The following NRXN3 variants were observed in gnomAD, a reference collection of about 807,000 sequenced individuals.
NRXN3 encodes the protein neurexin 3.
A neutral mutation model predicts 137.6 loss-of-function variants in NRXN3; 32 were observed. The observed-to-expected ratio is 0.23, with a 90% CI of 0.18 to 0.31. NRXN3 has a LOEUF of 0.31. Among genes scored for constraint, NRXN3 ranks in the 10% least tolerant of loss-of-function variants. The probability of loss-of-function intolerance (pLI) is 1.00; values close to 1 mark genes in which losing one functional copy is unlikely to be tolerated. For synonymous variants in NRXN3, 798 were observed against 784.5 expected (o/e 1.02, Z -0.29); for missense variants, 1,574 against 2,062.5 (o/e 0.76, Z 4.59).
rs1334223485 is a variant in NRXN3 at position 78,637,575 on chromosome 14, T to G, written c.758-7545T>G. Among the ~76,000 whole-genome samples the G allele has an allele frequency of 2.6e-5, 4 of 152,242 alleles. No individual in the cohort carries two copies. The East Asian group carries it at 7.7e-4, about 29-fold the overall frequency. ...ATATGTACTATGGTTATTCCCATTT[T>G]GTAGATTAGGGAAAGAAGGGTTAGA... On this transcript the variant is annotated intron_variant, in intron 4 of 20. Transcript: ENST00000335750.
intron 15 of NRXN3, among the ~76,000 whole-genome samples, chr14:79,439,099 T>C (rs769480055): frequency 6.6e-6 from 1 of 152,252 alleles, no homozygotes; most frequent in Non-Finnish European, 1.5e-5. Flanking sequence ...CAGATTTGAT[T>C]CTACAAGCTG....
intron 8 of NRXN3, among the ~76,000 whole-genome samples, chr14:78,780,111 G>A (rs746897820): frequency 2.6e-5 from 4 of 152,096 alleles, no homozygotes; most frequent in Non-Finnish European, 4.4e-5. Flanking sequence ...CACAAAATAG[G>A]CACACCAGCC....
intron 15 of NRXN3, among the ~76,000 whole-genome samples, chr14:79,358,608 A>AGAAAGAAAGAAG (rs1555397487): frequency 2.7e-3 from 12 of 4,502 alleles, no homozygotes; most frequent in African/African-American, 5.6e-3. Context: ...AGAAAGAAAG[A>AGAAAGAAAGAAG]GAAAGAAAGA....
chr14:79,678,841 G>A (rs978533116), intron 17 of NRXN3, among the ~76,000 whole-genome samples: 10 of 152,034 alleles, frequency 6.6e-5, no homozygotes. Flanking sequence ...GATCATTATT[G>A]CAAAGATAAA....
chr14:78,916,593 G>C (rs1321670770), intron 10 of NRXN3, among the ~76,000 whole-genome samples: 2 of 152,158 alleles, frequency 1.3e-5, no homozygotes, highest in Non-Finnish European at 2.9e-5. Flanking sequence ...AGGGGGGCTT[G>C]GGAGATGAGG....
chr14:79,170,709 G>T (rs1466551689), intron 15 of NRXN3, among the ~76,000 whole-genome samples: 1 of 151,996 alleles, frequency 6.6e-6, no homozygotes, highest in African/African-American at 2.4e-5. Context: ...CTGCACATTT[G>T]TTTCTGCATT....
chr14:78,397,685 C>T (rs2091613027), intron 4 of NRXN3, among the ~76,000 whole-genome samples: 1 of 151,744 alleles, frequency 6.6e-6, no homozygotes, highest in Non-Finnish European at 1.5e-5. Context: ...CTCACTGCAA[C>T]CTCTACCTCC....
chr14:78,991,885 C>T (rs2099519675), intron 15 of NRXN3, among the ~76,000 whole-genome samples: 1 of 152,114 alleles, frequency 6.6e-6, no homozygotes, highest in Admixed American at 6.6e-5. Flanking sequence ...GTGAGTTGGC[C>T]AAGCCTGGAT....
intron 15 of NRXN3, among the ~76,000 whole-genome samples, chr14:79,106,485 GA>G (rs560779234): frequency 4.0e-5 from 6 of 150,454 alleles, no homozygotes; most frequent in Non-Finnish European, 7.4e-5. Context: ...GAATAAAAAA[GA>G]AAAAAAAGTT....
intron 16 of NRXN3, among the ~76,000 whole-genome samples, chr14:79,499,798 G>A (rs1039082659): frequency 4.6e-5 from 7 of 152,036 alleles, no homozygotes; most frequent in African/African-American, 1.7e-4. Context: ...AAGAAAATTT[G>A]CTTCTACGAA....
chr14:79,659,831 A>G (rs1484073612), intron 16 of NRXN3, among the ~76,000 whole-genome samples: 1 of 152,164 alleles, frequency 6.6e-6, no homozygotes, highest in Non-Finnish European at 1.5e-5. Context: ...CTAGGCTAAA[A>G]CCCACATTTA....
At chr14:78,496,055 A>G (rs1361691250) in intron 4 of NRXN3, among the ~76,000 whole-genome samples, 2 of 152,210 alleles carry the variant, frequency 1.3e-5, no homozygotes, top group Non-Finnish European at 2.9e-5. Context: ...TGGGGACCAC[A>G]TTGAAGAAAA....
chr14:79,083,330 G>A (rs867833883), intron 15 of NRXN3, among the ~76,000 whole-genome samples: 3 of 152,200 alleles, frequency 2.0e-5, no homozygotes, highest in East Asian at 3.8e-4. Context: ...GGAACCACAC[G>A]AGGGAAAGGA....
intron 4 of NRXN3, among the ~76,000 whole-genome samples, chr14:78,502,258 A>G (rs1262371244): frequency 6.6e-6 from 1 of 152,210 alleles, no homozygotes; most frequent in Non-Finnish European, 1.5e-5. Flanking sequence ...CCATGTTGAG[A>G]GGCTCACTCA....
chr14:79,616,800 A>C (rs1392244780), intron 16 of NRXN3, among the ~76,000 whole-genome samples: 1 of 152,210 alleles, frequency 6.6e-6, no homozygotes, highest in Non-Finnish European at 1.5e-5. Flanking sequence ...AGGGTAGAAG[A>C]TTAGAGAATT....
At chr14:79,826,411 C>T (rs1198139217) in intron 20 of NRXN3, among the ~76,000 whole-genome samples, 1 of 152,140 alleles carries the variant, frequency 6.6e-6, no homozygotes, top group African/African-American at 2.4e-5. Context: ...TTAACATTTG[C>T]CACATTTGCT....
At chr14:78,648,188 G>A (rs1404657376) in intron 5 of NRXN3, among the ~76,000 whole-genome samples, 2 of 152,230 alleles carry the variant, frequency 1.3e-5, no homozygotes, top group Non-Finnish European at 2.9e-5. Flanking sequence ...TAGGGACCAA[G>A]GTAGTGAGGA....
At chr14:78,396,942 G>T (rs1348168349) in intron 4 of NRXN3, among the ~76,000 whole-genome samples, 1 of 152,150 alleles carries the variant, frequency 6.6e-6, no homozygotes, top group African/African-American at 2.4e-5. Flanking sequence ...CTGGCTTACA[G>T]ATGAGAGAGT....
intron 15 of NRXN3, among the ~76,000 whole-genome samples, chr14:79,045,715 A>G (rs2099632076): frequency 1.3e-5 from 2 of 152,202 alleles, no homozygotes; most frequent in African/African-American, 4.8e-5. Flanking sequence ...CTCCTATAGG[A>G]AATATTTGGT....
Sources: allele counts gnomAD v4.1 joint callset (sites outside exome capture counted in the v4.1 genomes callset), GRCh38; gene constraint gnomAD v4.1.1; transcripts MANE v1.5; gene names NCBI Gene and HGNC (gene_info 2026-07-23, HGNC 2026-07-21).